The following ADGRV1 variants were observed in gnomAD, a reference collection of about 807,000 sequenced individuals.
ADGRV1 encodes the protein adhesion G protein-coupled receptor V1.
A neutral mutation model predicts 596.2 loss-of-function variants in ADGRV1; 359 were observed. The observed-to-expected ratio is 0.60, with a 90% confidence interval of 0.55 to 0.66. The LOEUF (loss-of-function observed/expected upper bound fraction) is 0.66. Among genes scored for constraint, ADGRV1 ranks in the 30% least tolerant of loss-of-function variants. The pLI is 0.00. For missense variants in ADGRV1, 7,274 were observed against 7,575.6 expected, an observed-to-expected ratio of 0.96 and a Z score of 1.48; for synonymous variants, 2,681 against 2,679.2, an observed-to-expected ratio of 1.00 and a Z score of -0.02.
chr5:91,012,691 G>A (rs533154730), intron 85 of ADGRV1, among the ~76,000 whole-genome samples: 16 of 152,010 alleles, frequency 1.1e-4, no homozygotes, highest in African/African-American at 3.9e-4. Flanking sequence ...ATTCATAAAT[G>A]TTTAAAATAC....
At chr5:90,929,072 C>G (rs1339275464) in intron 83 of ADGRV1, among the ~76,000 whole-genome samples, 1 of 151,294 alleles carries the variant, frequency 6.6e-6, no homozygotes, top group African/African-American at 2.4e-5. Flanking sequence ...GCAGAGGTTA[C>G]TGCTGTCTTT....
chr5:90,687,266 T>G (rs1176488390), intron 29 of ADGRV1, among the ~76,000 whole-genome samples: 1 of 152,220 alleles, frequency 6.6e-6, no homozygotes, highest in Non-Finnish European at 1.5e-5. Flanking sequence ...TTTTGGTGTT[T>G]TAGACATGAA....
At chr5:90,937,774 C>T (rs925639064) in intron 83 of ADGRV1, among the ~76,000 whole-genome samples, 8 of 148,268 alleles carry the variant, frequency 5.4e-5, no homozygotes, top group African/African-American at 2.1e-4. Flanking sequence ...GTATTTTTTT[C>T]AGTTTTAAGC....
chr5:91,029,050 T>C (rs1784268305), intron 85 of ADGRV1, among the ~76,000 whole-genome samples: 1 of 152,120 alleles, frequency 6.6e-6, no homozygotes, highest in Non-Finnish European at 1.5e-5. Flanking sequence ...CATTAGAACT[T>C]TTTTCTTTAG....
intron 87 of ADGRV1, among the ~76,000 whole-genome samples, chr5:91,135,320 G>A (rs150078069): frequency 1.1e-4 from 17 of 152,066 alleles, no homozygotes; most frequent in African/African-American, 2.2e-4. Flanking sequence ...ACATGCACAC[G>A]CATACATACA....
At chr5:91,016,613 A>C (rs959008288) in intron 85 of ADGRV1, among the ~76,000 whole-genome samples, 1 of 152,092 alleles carries the variant, frequency 6.6e-6, no homozygotes, top group Non-Finnish European at 1.5e-5. Flanking sequence ...CAGATTGATG[A>C]ATTTTAGGTA....
intron 85 of ADGRV1, among the ~76,000 whole-genome samples, chr5:90,987,739 G>A (rs1261297790): frequency 6.6e-6 from 1 of 151,858 alleles, no homozygotes; most frequent in Non-Finnish European, 1.5e-5. Context: ...ATGAACTAAT[G>A]GCCCATCTGT....
chr5:90,774,444 A>T, intron 60 of ADGRV1, 141 bp downstream of exon 60: 1 of 584,384 alleles, frequency 1.7e-6, no homozygotes, highest in Non-Finnish European at 3.0e-6. Flanking sequence ...CACATGTATT[A>T]AAGGTTAAGA....
chr5:90,831,498 A>G (rs1336020282), intron 77 of ADGRV1, among the ~76,000 whole-genome samples: 3 of 152,162 alleles, frequency 2.0e-5, no homozygotes, highest in East Asian at 1.9e-4. Context: ...CATACAATGC[A>G]TAATAATCAC....
At chr5:91,162,473 C>A (rs550703766) in intron 89 of ADGRV1, among the ~76,000 whole-genome samples, 12 of 152,096 alleles carry the variant, frequency 7.9e-5, no homozygotes, top group Admixed American at 7.2e-4. Context: ...CTTGGAAACC[C>A]TAGTGAGACA....
At chr5:91,030,079 A>G (rs192931788) in intron 85 of ADGRV1, among the ~76,000 whole-genome samples, 4 of 152,226 alleles carry the variant, frequency 2.6e-5, no homozygotes, top group South Asian at 2.1e-4. Context: ...TAAAATTACT[A>G]TTCACATGTG....
intron 77 of ADGRV1, among the ~76,000 whole-genome samples, chr5:90,831,280 T>TACAC (rs539222542): frequency 0.042 from 6,307 of 149,606 alleles, 465 homozygotes; most frequent in African/African-American, 0.15. Flanking sequence ...TACATATATA[T>TACAC]ACACACACAC....
chr5:90,593,237 G>A (rs562732370), intron 1 of ADGRV1, among the ~76,000 whole-genome samples: 194 of 152,312 alleles, frequency 1.3e-3, no homozygotes, highest in African/African-American at 4.6e-3. Context: ...TTAAGAAAAT[G>A]TGGCACATAT....
In ADGRV1 at chr5:90,651,703, T is replaced by C. The variant is rs778054921; in HGVS notation, c.3389T>C (p.Val1130Ala). Residue 1130 changes from valine to alanine, a missense_variant, in exon 18 of 90, where the codon GTG becomes GCG. Physicochemically the swap from Val to Ala is moderately conservative, Grantham distance 64. Coordinates refer to ENST00000405460, the MANE Select transcript of ADGRV1 (RefSeq NM_032119.4). ...TCTCTGGAGCCCATAGACAAAGCAG[T>C]GGAAGAAGGAAAGACTAATGCATTT... ...IFSLEPIDKA[V>A]EEGKTNAFWI... is the part of the protein sequence containing the mutation. 3 of 1,612,306 alleles carry C rather than the reference T, an allele frequency of 1.9e-6. No individual in the cohort carries two copies. The highest frequency in any genetic ancestry group is 2.2e-5 in the East Asian group (1 of 44,748).
chr5:90,977,114 T>C (rs1328108781), intron 84 of ADGRV1, among the ~76,000 whole-genome samples: 2 of 152,182 alleles, frequency 1.3e-5, no homozygotes, highest in Non-Finnish European at 2.9e-5. Flanking sequence ...TCGTTCATCG[T>C]TGATTTAATT....
At chr5:90,623,543 C>T (rs1334919218) in intron 5 of ADGRV1, among the ~76,000 whole-genome samples, 1 of 152,112 alleles carries the variant, frequency 6.6e-6, no homozygotes, top group African/African-American at 2.4e-5. Flanking sequence ...TTCTGAATAG[C>T]TGGGAGTACA....
chr5:90,853,602 T>C lies in ADGRV1; in HGVS notation c.17454+69T>C, dbSNP rs1016920795. ...ATTTCTTTAGCAGGCACACTTGGAA[T>C]GCATTTGTTTGATCACAGTTTTGGT... On this transcript the variant is annotated intron_variant, in intron 80 of 89. Transcript: ENST00000405460. 6 of 1,444,892 alleles carry C rather than the reference T, an allele frequency of 4.2e-6. No homozygotes were observed. In the African/African-American group the frequency reaches 7.0e-5, roughly 17 times the overall value. 89.5% of individuals were successfully genotyped at this position (1,444,892 alleles called of 1,614,324 possible). A position where few individuals can be genotyped will look rare whatever the true frequency, so the allele number is the denominator to read the frequency against.
intron 78 of ADGRV1, among the ~76,000 whole-genome samples, chr5:90,843,204 C>T (rs1409925103): frequency 6.6e-6 from 1 of 151,838 alleles, no homozygotes; most frequent in Non-Finnish European, 1.5e-5. Flanking sequence ...TGAAAATGGG[C>T]AGAACTTTCC....
chr5:90,920,755 G>T (rs989490323), intron 83 of ADGRV1, among the ~76,000 whole-genome samples: 4 of 152,094 alleles, frequency 2.6e-5, no homozygotes, highest in African/African-American at 9.7e-5. Flanking sequence ...GTAATGTTTA[G>T]AATGTAAATG....
Sources: gnomAD v4.1 joint callset for allele counts (sites outside exome capture counted in the v4.1 genomes callset) on GRCh38, gnomAD v4.1.1 for gene constraint, MANE v1.5 for transcripts, NCBI Gene and HGNC (gene_info 2026-07-23, HGNC 2026-07-21) for gene names.